Variants in LIMCH1 observed in about 807,000 individuals in gnomAD.
LIMCH1 encodes the protein LIM and calponin homology domains-containing protein 1.
A neutral mutation model predicts 176.5 loss-of-function variants in LIMCH1; 113 were observed. The ratio of observed to expected loss-of-function variants is 0.64; its 90% CI spans 0.55 to 0.75. The LOEUF is 0.75. Ranked by LOEUF, LIMCH1 falls within the 30% of genes least tolerant of loss-of-function variation. The probability of loss-of-function intolerance (pLI) is 0.00; values close to 1 mark genes in which losing one functional copy is unlikely to be tolerated. For synonymous variants in LIMCH1, 619 were observed against 645.9 expected, an observed-to-expected ratio of 0.96 and a Z score of 0.63; for missense variants, 1,674 against 1,814.9, an observed-to-expected ratio of 0.92 and a Z score of 1.41.
intron 18 of LIMCH1, among the ~76,000 whole-genome samples, chr4:41,655,904 T>C (rs183862371): frequency 1.3e-5 from 2 of 152,228 alleles, no homozygotes; most frequent in East Asian, 3.9e-4. Flanking sequence ...CCTAAACTCC[T>C]AAGACTCCCA....
chr4:41,411,338 C>T (rs531295344), intron 1 of LIMCH1, among the ~76,000 whole-genome samples: 67 of 152,134 alleles, frequency 4.4e-4, no homozygotes, highest in African/African-American at 1.6e-3. Context: ...ATTTCTCAGC[C>T]GAAAATTACT....
At chr4:41,603,609 A>T (rs911344252) in intron 2 of LIMCH1, among the ~76,000 whole-genome samples, 3 of 152,166 alleles carry the variant, frequency 2.0e-5, no homozygotes, top group African/African-American at 7.2e-5. Context: ...TTCTGATCGG[A>T]CTTTTTCTAT....
At chr4:41,582,167 C>G (rs2085602434) in intron 1 of LIMCH1, among the ~76,000 whole-genome samples, 1 of 152,180 alleles carries the variant, frequency 6.6e-6, no homozygotes, top group Non-Finnish European at 1.5e-5. Context: ...TTGGTACATA[C>G]ATGAGTGTGA....
chr4:41,473,277 G>A, intron 1 of LIMCH1: 1 of 720,742 alleles, frequency 1.4e-6, no homozygotes, highest in Non-Finnish European at 1.7e-6. Context: ...TTGTGCAATG[G>A]TACATCCTGG....
chr4:41,682,666 TTTCTTC>T, intron 26 of LIMCH1, among the ~76,000 whole-genome samples: 1 of 148,952 alleles, frequency 6.7e-6, no homozygotes, highest in Non-Finnish European at 1.5e-5. Context: ...CCTTATTTTT[TTTCTTC>T]TTCTTCTTTT....
rs1368377974 is a variant in LIMCH1 at position 41,676,456 on chromosome 4, G to C, written c.3513G>C (p.Leu1171Phe). 6.2e-7 allele frequency: 1 copy of C among 1,613,400 alleles called. No individual in the cohort carries two copies. The highest frequency in any genetic ancestry group is 8.5e-7 in the Non-Finnish European group (1 of 1,179,462). ...AATGGCAACAGGAACAGGAACGTTTGCTCCAGGTAGGATGGAGTTTGCTGC... is the reference window on the plus strand; with the variant it reads ...AATGGCAACAGGAACAGGAACGTTTCCTCCAGGTAGGATGGAGTTTGCTGC... ...QEKWQQEQERLLQERYQKEQD... is the reference protein window; with the variant it reads ...QEKWQQEQERFLQERYQKEQD... The change falls in exon 23 of 32, where the codon TTG (leucine) becomes TTC (phenylalanine). Residue 1171 changes from leucine (L) to phenylalanine (F), a missense_variant. Coordinates refer to ENST00000503057, the MANE Select transcript of LIMCH1 (RefSeq NM_001330672.2).
intron 1 of LIMCH1, among the ~76,000 whole-genome samples, chr4:41,422,335 G>A (rs912479483): frequency 6.6e-6 from 1 of 151,856 alleles, no homozygotes; most frequent in Non-Finnish European, 1.5e-5. Context: ...TTATAGGCGC[G>A]CATCACCATG....
intron 1 of LIMCH1, among the ~76,000 whole-genome samples, chr4:41,419,604 G>GTCCTTCCTTCC: frequency 2.1e-5 from 1 of 47,268 alleles, no homozygotes; most frequent in Admixed American, 2.7e-4. Flanking sequence ...CCTTCCTTCC[G>GTCCTTCCTTCC]TCCTTCCTTC....
intron 1 of LIMCH1, among the ~76,000 whole-genome samples, chr4:41,452,629 G>A (rs1010520745): frequency 1.3e-5 from 2 of 152,158 alleles, no homozygotes; most frequent in African/African-American, 4.8e-5. Context: ...GACTCTAAGA[G>A]GCAGGGATAG....
At chr4:41,592,370 TG>T (rs964804881) in intron 1 of LIMCH1, among the ~76,000 whole-genome samples, 3 of 152,218 alleles carry the variant, frequency 2.0e-5, no homozygotes, top group African/African-American at 7.2e-5. Flanking sequence ...AATGAACTTT[TG>T]GTATGTAGCC....
At chr4:41,612,549 A>G (rs1305287438) in intron 4 of LIMCH1, 4 of 702,470 alleles carry the variant, frequency 5.7e-6, no homozygotes, top group Non-Finnish European at 1.0e-5. Context: ...AGCCTGGACT[A>G]TTGTAATTAA....
intron 1 of LIMCH1, among the ~76,000 whole-genome samples, chr4:41,574,900 C>G (rs2084207604): frequency 6.6e-6 from 1 of 152,186 alleles, no homozygotes; most frequent in Admixed American, 6.5e-5. Context: ...ATTTCCTCAT[C>G]TGTCAGTTAG....
intron 1 of LIMCH1, among the ~76,000 whole-genome samples, chr4:41,465,141 T>C (rs558157477): frequency 6.3e-4 from 96 of 152,260 alleles, no homozygotes; most frequent in Non-Finnish European, 1.1e-3. Flanking sequence ...CAAGTTGCAT[T>C]TCCAGCAGTC....
chr4:41,692,681 C>G, intron 31 of LIMCH1: 1 of 253,650 alleles, frequency 3.9e-6, no homozygotes, highest in Non-Finnish European at 7.6e-6. Context: ...GATATAAGGT[C>G]TGTCAAACAC....
intron 1 of LIMCH1, among the ~76,000 whole-genome samples, chr4:41,493,318 C>G (rs1471590885): frequency 2.0e-5 from 3 of 151,112 alleles, no homozygotes; most frequent in Admixed American, 2.0e-4. Flanking sequence ...TCAATTTTAT[C>G]TCCTTTCTTG....
intron 2 of LIMCH1, among the ~76,000 whole-genome samples, chr4:41,523,757 T>C (rs1224351622): frequency 6.6e-6 from 1 of 152,252 alleles, no homozygotes; most frequent in African/African-American, 2.4e-5. Context: ...CCCTTGCTTG[T>C]GTAACCATTG....
intron 1 of LIMCH1, among the ~76,000 whole-genome samples, chr4:41,440,590 T>A (rs946018135): frequency 1.1e-4 from 16 of 152,352 alleles, no homozygotes; most frequent in African/African-American, 3.8e-4. Flanking sequence ...TGGAGTGCAG[T>A]GGCGCAATCT....
intron 1 of LIMCH1, among the ~76,000 whole-genome samples, chr4:41,494,263 C>T (rs1193500887): frequency 2.0e-5 from 3 of 149,294 alleles, no homozygotes; most frequent in East Asian, 2.0e-4. Flanking sequence ...GAATGCCACC[C>T]GTTTTTTTCA....
intron 1 of LIMCH1, among the ~76,000 whole-genome samples, chr4:41,429,381 T>C (rs1371537707): frequency 6.6e-6 from 1 of 152,176 alleles, no homozygotes; most frequent in Admixed American, 6.5e-5. Context: ...AGGGTACTCA[T>C]TTCTGAGGAA....
Sources: allele counts gnomAD v4.1 joint callset (sites outside exome capture counted in the v4.1 genomes callset), GRCh38; gene constraint gnomAD v4.1.1; transcripts MANE v1.5; gene names NCBI Gene and HGNC (gene_info 2026-07-23, HGNC 2026-07-21).